Variants in NAV2 observed in about 807,000 individuals in gnomAD.
NAV2 encodes the protein neuron navigator 2.
A neutral mutation model predicts 223.2 loss-of-function variants in NAV2; 54 were observed. The observed-to-expected ratio is 0.24, with a 90% CI of 0.19 to 0.30. The LOEUF is 0.30. Among genes scored for constraint, NAV2 ranks in the 10% least tolerant of loss-of-function variants. The pLI, the probability that NAV2 is intolerant of heterozygous loss-of-function variation, is 1.00. For missense variants in NAV2, 2,806 were observed against 3,147.5 expected (o/e 0.89, Z 2.60); for synonymous variants, 1,279 against 1,239.3 (o/e 1.03, Z -0.67).
At chr11:19,854,374 T>C (rs1429524450) in intron 3 of NAV2, among the ~76,000 whole-genome samples, 1 of 152,172 alleles carries the variant, frequency 6.6e-6, no homozygotes, top group Non-Finnish European at 1.5e-5. Context: ...GAGTAGAGAA[T>C]GGTGGCCAAA....
intron 1 of NAV2, among the ~76,000 whole-genome samples, chr11:19,741,373 C>G (rs2052778957): frequency 1.3e-5 from 2 of 152,000 alleles, no homozygotes; most frequent in Non-Finnish European, 2.9e-5. Context: ...ATTTATCCCA[C>G]AGAACTTCAA....
chr11:19,679,995 T>C (rs1476440878), intron 1 of NAV2, among the ~76,000 whole-genome samples: 4 of 151,324 alleles, frequency 2.6e-5, no homozygotes, highest in Non-Finnish European at 5.9e-5. Flanking sequence ...GCACCTGGAG[T>C]GAGGGGCAAA....
intron 1 of NAV2, among the ~76,000 whole-genome samples, chr11:19,584,717 A>C (rs2045837485): frequency 6.6e-6 from 1 of 152,176 alleles, no homozygotes; most frequent in Non-Finnish European, 1.5e-5. Flanking sequence ...CTTGAGTTCT[A>C]GTTTGATTGC....
chr11:19,765,742 T>TG (rs577281011), intron 1 of NAV2, among the ~76,000 whole-genome samples: 4,533 of 152,182 alleles, frequency 0.03, 127 homozygotes, highest in African/African-American at 0.073. Context: ...ACACTCCTGT[T>TG]CCCTCTCCCC....
At chr11:19,971,402 GGA>G (rs2049230443) in intron 10 of NAV2, among the ~76,000 whole-genome samples, 1 of 152,096 alleles carries the variant, frequency 6.6e-6, no homozygotes, top group African/African-American at 2.4e-5. Context: ...GCAAGGGGAT[GGA>G]GAGATGGGTT....
In NAV2 at chr11:19,358,614, CT is replaced by C; in HGVS notation, c.75+7588del. 2.0e-5 allele frequency among the ~76,000 whole-genome samples: 3 copies of C among 152,252 alleles called. No homozygotes were observed. The South Asian group carries it at 6.2e-4, about 32-fold the overall frequency. On this transcript the variant is annotated intron_variant, in intron 1 of 37. Transcript: ENST00000360655. ...GATGTTGGTTACAAACAGCAAGATC[CT>C]ATGTCCTTCATCTCTTGTGAAGCCA...
At chr11:20,114,914 G>A (rs2062930431) in intron 37 of NAV2, 119 bp downstream of exon 37, 4 of 1,012,426 alleles carry the variant, frequency 4.0e-6, no homozygotes, top group Admixed American at 5.4e-5. Context: ...TTGGAAGGCT[G>A]GACCCAAATG....
intron 1 of NAV2, among the ~76,000 whole-genome samples, chr11:19,776,640 G>T (rs2056223753): frequency 6.9e-6 from 1 of 144,262 alleles, no homozygotes; most frequent in African/African-American, 2.6e-5. Context: ...AAATGTGTGT[G>T]TGTGTGTGTG....
intron 1 of NAV2, among the ~76,000 whole-genome samples, chr11:19,359,493 TA>T (rs1427204327): frequency 1.3e-5 from 2 of 152,154 alleles, no homozygotes; most frequent in Non-Finnish European, 1.5e-5. Context: ...ATGTACTGAA[TA>T]AATCAGTGCA....
chr11:19,580,121 C>T (rs940655286), intron 1 of NAV2, among the ~76,000 whole-genome samples: 2 of 152,138 alleles, frequency 1.3e-5, no homozygotes, highest in African/African-American at 4.8e-5. Flanking sequence ...GCTGTTGACC[C>T]AACCGGGGGG....
chr11:19,698,326 G>C (rs1246311042), intron 1 of NAV2, among the ~76,000 whole-genome samples: 1 of 152,196 alleles, frequency 6.6e-6, no homozygotes, highest in Non-Finnish European at 1.5e-5. Context: ...AAATGTGTCG[G>C]AGGCCCTCAG....
intron 3 of NAV2, among the ~76,000 whole-genome samples, chr11:19,860,139 T>C (rs2153010283): frequency 7.2e-6 from 1 of 138,024 alleles, no homozygotes; most frequent in Non-Finnish European, 1.6e-5. Flanking sequence ...GCCCCTCACC[T>C]CCCGGACGGG....
In NAV2 at chr11:20,101,140, G is replaced by A. The variant is rs757815258; in HGVS notation, c.6385G>A (p.Ala2129Thr). 8 of 1,614,046 alleles carry A rather than the reference G, an allele frequency of 5.0e-6. No individual in the cohort carries two copies. Among genetic ancestry groups the A allele is most frequent in the Admixed American group, 3.3e-5 (2 of 60,014 alleles). ...ACGGGAGTTGACAGACGGGGTTATC[G>A]CCACCTTTAACGTGGACCATAAGTC... ...EGRELTDGVI[A>T]TFNVDHKSSK... The change falls in exon 32 of 38, where the codon GCC becomes ACC. Residue 2129 changes from alanine to threonine, a missense_variant. Around this residue, in one of 4 missense-constraint regions of NAV2, gnomAD observed 824 missense variants for 1,069.4 expected, o/e 0.77. Transcript: ENST00000349880.
intron 20 of NAV2, among the ~76,000 whole-genome samples, chr11:20,063,028 A>G (rs570009604): frequency 1.3e-3 from 204 of 152,360 alleles, no homozygotes; most frequent in African/African-American, 4.8e-3. Flanking sequence ...TAGAAATAAT[A>G]GCAGTTCCTA....
At chr11:19,445,479 C>A (rs2133739695) in intron 1 of NAV2, among the ~76,000 whole-genome samples, 1 of 152,256 alleles carries the variant, frequency 6.6e-6, no homozygotes, top group East Asian at 1.9e-4. Context: ...TTGCTATGAT[C>A]CCCACTTTAT....
At chr11:19,999,554 A>G (rs1351574739) in intron 11 of NAV2, among the ~76,000 whole-genome samples, 1 of 152,198 alleles carries the variant, frequency 6.6e-6, no homozygotes, top group Non-Finnish European at 1.5e-5. Flanking sequence ...TATTTTTAGT[A>G]GAGATGGGGT....
rs146548340 is a variant in NAV2, at chr11:19,432,843, C to T, written c.75+81816C>T. The stretch of plus-strand genomic sequence containing the variant: ...TTTGAATCTCCCCAATAACTCTTAC[C>T]GCAGCTGAGGAGAGCTGCTGCTGTC... On this transcript the variant is annotated intron_variant, in intron 1 of 37. Coordinates refer to the NAV2 transcript ENST00000360655. Among the ~76,000 whole-genome samples, 1,012 of 152,282 alleles carry T rather than the reference C, an allele frequency of 6.6e-3. 10 individuals are homozygous for T. The highest frequency in any genetic ancestry group is 0.023 in the African/African-American group (944 of 41,550).
chr11:19,910,678 G>A (rs747088378), intron 6 of NAV2, among the ~76,000 whole-genome samples: 13 of 152,160 alleles, frequency 8.5e-5, no homozygotes, highest in Non-Finnish European at 1.9e-4. Flanking sequence ...GGGCTACGTG[G>A]TGAAACTCCA....
At chr11:19,724,799 C>A (rs1002893196) in intron 1 of NAV2, among the ~76,000 whole-genome samples, 4 of 152,252 alleles carry the variant, frequency 2.6e-5, no homozygotes, top group African/African-American at 7.2e-5. Context: ...CATGTTCTTT[C>A]TACCCAGCCT....
Sources: gnomAD v4.1 joint callset for allele counts (sites outside exome capture counted in the v4.1 genomes callset) on GRCh38, gnomAD v4.1.1 for gene constraint, gnomAD v4.1.1 regional missense constraint, MANE v1.5 for transcripts, NCBI Gene and HGNC (gene_info 2026-07-23, HGNC 2026-07-21) for gene names.